The following SLC4A10 variants were observed in gnomAD, a reference collection of about 807,000 sequenced individuals.
SLC4A10 encodes the protein sodium-driven chloride bicarbonate exchanger.
In SLC4A10, 42 loss-of-function variants were observed where a neutral mutation model predicts 137.7. That is an observed-to-expected ratio of 0.30 (90% CI 0.24 to 0.39). The LOEUF (loss-of-function observed/expected upper bound fraction) is 0.39, where lower values mean the gene tolerates loss of function less well. Among genes scored for constraint, SLC4A10 ranks in the 10% least tolerant of loss-of-function variants. The pLI is 1.00. For missense variants in SLC4A10, 925 were observed against 1,355.0 expected (o/e 0.68, Z 4.98); for synonymous variants, 474 against 464.1 (o/e 1.02, Z -0.27).
chr2:161,650,100 T>C (rs1439631390), intron 1 of SLC4A10, among the ~76,000 whole-genome samples: 2 of 152,252 alleles, frequency 1.3e-5, no homozygotes, highest in Non-Finnish European at 2.9e-5. Flanking sequence ...TCATCAAGAA[T>C]ACAACATTGA....
At chr2:161,636,540 G>A (rs139640949) in intron 1 of SLC4A10, among the ~76,000 whole-genome samples, 191 of 152,012 alleles carry the variant, frequency 1.3e-3, no homozygotes, top group African/African-American at 4.4e-3. Context: ...GATTACAGGC[G>A]CCCGCCACCA....
At chr2:161,745,295 T>C (rs1469973749) in intron 1 of SLC4A10, among the ~76,000 whole-genome samples, 1 of 152,202 alleles carries the variant, frequency 6.6e-6, no homozygotes, top group East Asian at 1.9e-4. Context: ...ACAAATAAGC[T>C]GTCTCAAGCT....
intron 2 of SLC4A10, among the ~76,000 whole-genome samples, chr2:161,795,462 C>A (rs772466850): frequency 6.6e-6 from 1 of 152,008 alleles, no homozygotes; most frequent in Non-Finnish European, 1.5e-5. Flanking sequence ...GGAATATACA[C>A]CCATGAAATC....
chr2:161,759,408 C>T (rs1023463143), intron 1 of SLC4A10, among the ~76,000 whole-genome samples: 3 of 151,898 alleles, frequency 2.0e-5, no homozygotes, highest in African/African-American at 7.2e-5. Context: ...AGTCATCATG[C>T]TCCACATTAG....
intron 4 of SLC4A10, 100 bp from the exon 5 acceptor site, chr2:161,854,870 C>T: frequency 8.3e-7 from 1 of 1,208,372 alleles, no homozygotes; most frequent in East Asian, 2.8e-5. Flanking sequence ...AACCAAGACA[C>T]AATATGACTA....
intron 1 of SLC4A10, among the ~76,000 whole-genome samples, chr2:161,696,641 T>C (rs1324053953): frequency 1.3e-5 from 2 of 151,982 alleles, no homozygotes. Flanking sequence ...GAACTCATCA[T>C]TTTTTATGGC....
At chr2:161,680,349 T>A (rs2040720098) in intron 1 of SLC4A10, among the ~76,000 whole-genome samples, 1 of 152,170 alleles carries the variant, frequency 6.6e-6, no homozygotes, top group Non-Finnish European at 1.5e-5. Flanking sequence ...ATCAACAGGA[T>A]GGGATAAAGT....
At chr2:161,969,442 C>A (rs1181895365) in intron 23 of SLC4A10, among the ~76,000 whole-genome samples, 1 of 152,168 alleles carries the variant, frequency 6.6e-6, no homozygotes, top group Non-Finnish European at 1.5e-5. Flanking sequence ...GGGAAGACTG[C>A]AGAATCAAAT....
At chr2:161,849,950 A>G (rs754602029) in intron 4 of SLC4A10, among the ~76,000 whole-genome samples, 1 of 152,008 alleles carries the variant, frequency 6.6e-6, no homozygotes, top group Non-Finnish European at 1.5e-5. Context: ...TGTTTTTTGG[A>G]ATAGTTTCAG....
At chr2:161,684,755 T>C (rs2124857881) in intron 1 of SLC4A10, among the ~76,000 whole-genome samples, 1 of 152,326 alleles carries the variant, frequency 6.6e-6, no homozygotes, top group Non-Finnish European at 1.5e-5. Context: ...TCTCTGTGTG[T>C]GTTTTTGTTC....
chr2:161,771,913 A>T (rs1001555615), intron 2 of SLC4A10, among the ~76,000 whole-genome samples: 1 of 151,826 alleles, frequency 6.6e-6, no homozygotes, highest in Admixed American at 6.6e-5. Flanking sequence ...AGCTCCCAAT[A>T]AACCACTGAG....
In SLC4A10 at chr2:161,664,074, A is replaced by G. The variant is rs566128668; in HGVS notation, c.48+39508A>G. ...GTGAAATGTTAGGCTTCATTTAGGG[A>G]ATATTTTTAATAGTGGCTGTGGTCT... On this transcript the variant is annotated intron_variant, in intron 1 of 26. Coordinates refer to ENST00000446997, the MANE Select transcript of SLC4A10 (RefSeq NM_001178015.2). Among the ~76,000 whole-genome samples the G allele has an allele frequency of 5.3e-5, 8 of 152,086 alleles. No individual in the cohort carries two copies. The South Asian group carries it at 1.7e-3, about 32-fold the overall frequency.
At chr2:161,974,498 T>C (rs1277539462) in intron 24 of SLC4A10, among the ~76,000 whole-genome samples, 182 bp downstream of exon 24, 1 of 152,196 alleles carries the variant, frequency 6.6e-6, no homozygotes, top group Non-Finnish European at 1.5e-5. Flanking sequence ...GCCGTGTGAC[T>C]ATAATCAAAT....
At chr2:161,822,487 T>A (rs1021331014) in intron 3 of SLC4A10, among the ~76,000 whole-genome samples, 2 of 152,190 alleles carry the variant, frequency 1.3e-5, no homozygotes, top group African/African-American at 4.8e-5. Context: ...AATCACAAAT[T>A]GTGCTTTTTT....
In SLC4A10 at chr2:161,692,041, T is replaced by C. The variant is rs567980772; in HGVS notation, c.48+67475T>C. On this transcript the variant is annotated intron_variant, in intron 1 of 26. Coordinates refer to ENST00000446997, the MANE Select transcript of SLC4A10 (RefSeq NM_001178015.2). ...GGAGCTTTAGAGGACAGATTAGTCA[T>C]GTAGTTTGAGAGAAGTTGGGGAAAA... Among the ~76,000 whole-genome samples, 25 of 152,088 alleles carry C rather than the reference T, an allele frequency of 1.6e-4. No individual in the cohort carries two copies. The East Asian group carries it at 2.1e-3, about 13-fold the overall frequency.
At chr2:161,954,620 A>G (rs1695338222) in intron 19 of SLC4A10, among the ~76,000 whole-genome samples, 1 of 152,196 alleles carries the variant, frequency 6.6e-6, no homozygotes, top group Non-Finnish European at 1.5e-5. Context: ...GGCAAGAAGG[A>G]TACTGGTTAG....
intron 15 of SLC4A10, among the ~76,000 whole-genome samples, chr2:161,931,694 C>G (rs1242023231): frequency 1.3e-5 from 2 of 152,106 alleles, no homozygotes; most frequent in Non-Finnish European, 2.9e-5. Flanking sequence ...ATGAGTAGAA[C>G]TTACAATTTG....
At position 161,855,074 on chromosome 2, in the gene SLC4A10, T is replaced by C; in HGVS notation, c.521T>C (p.Ile174Thr). 1 of 1,613,512 alleles carries C rather than the reference T, an allele frequency of 6.2e-7. No individual in the cohort carries two copies. The highest frequency in any genetic ancestry group is 8.5e-7 in the Non-Finnish European group (1 of 1,179,602). Residue 174 changes from isoleucine (I) to threonine (T), a missense_variant, in exon 5 of 27, where the codon ATT becomes ACT. Ile to Thr is a moderately conservative substitution (Grantham distance 89, BLOSUM62 -1). Around this residue, in one of 11 missense-constraint regions of SLC4A10, gnomAD observed 277 missense variants for 306.1 expected, o/e 0.90. Coordinates refer to ENST00000446997, the MANE Select transcript of SLC4A10 (RefSeq NM_001178015.2). ...AGCTTGTTTGAATTGAGAAGTTGTATTCTGAATGGAACTGTGTTGCTGGAC... is the reference window on the plus strand; with the variant it reads ...AGCTTGTTTGAATTGAGAAGTTGTACTCTGAATGGAACTGTGTTGCTGGAC... ...LHSLFELRSC[I>T]LNGTVLLDMH...
rs149628589 is a variant in SLC4A10, at chr2:161,961,293, T to A, written c.2862+2738T>A. ...ACTGGCTGCCAGTCTGGGGGAAACT[T>A]AAGTATGAAGTCATTGCAGGTCACG... On this transcript the variant is annotated intron_variant, in intron 21 of 26. Transcript: ENST00000446997. Among the ~76,000 whole-genome samples, 204 of 152,188 alleles carry A rather than the reference T, an allele frequency of 1.3e-3. 3 individuals are homozygous for A. In the East Asian group the frequency reaches 0.03, roughly 23 times the overall value.
Sources: allele counts gnomAD v4.1 joint callset (sites outside exome capture counted in the v4.1 genomes callset), GRCh38; gene constraint gnomAD v4.1.1; regional missense constraint gnomAD v4.1.1; transcripts MANE v1.5; gene names NCBI Gene and HGNC (gene_info 2026-07-23, HGNC 2026-07-21).